The following PEX5L variants were observed in gnomAD, a reference collection of about 807,000 sequenced individuals.
The protein encoded by PEX5L is PEX5-related protein.
Under a neutral mutation model 84.0 loss-of-function variants are expected in PEX5L, and 30 were observed. That is an observed-to-expected ratio of 0.36 (90% CI 0.27 to 0.48). PEX5L has a LOEUF of 0.48. Ranked by LOEUF, PEX5L falls within the 20% of genes least tolerant of loss-of-function variation. The pLI is 0.99. For synonymous variants in PEX5L, 270 were observed against 283.1 expected, an observed-to-expected ratio of 0.95 and a Z score of 0.46; for missense variants, 533 against 754.6, an observed-to-expected ratio of 0.71 and a Z score of 3.44.
chr3:179,900,796 T>C, intron 2 of PEX5L: 7 of 1,170,952 alleles, frequency 6.0e-6, no homozygotes, highest in East Asian at 2.6e-5. Context: ...CTTTACAGCC[T>C]TTTTTGGCTT....
chr3:179,964,445 A>T (rs1311037385), intron 2 of PEX5L, among the ~76,000 whole-genome samples: 1 of 152,202 alleles, frequency 6.6e-6, no homozygotes, highest in Non-Finnish European at 1.5e-5. Context: ...AAAGTTGACA[A>T]ATGGGACCTA....
intron 2 of PEX5L, among the ~76,000 whole-genome samples, chr3:179,915,794 T>C (rs745835240): frequency 5.9e-5 from 9 of 152,174 alleles, no homozygotes; most frequent in Admixed American, 2.0e-4. Flanking sequence ...AATATAACAA[T>C]TTCTGCTTCT....
At chr3:179,952,405 C>T (rs1375063165) in intron 2 of PEX5L, among the ~76,000 whole-genome samples, 2 of 151,874 alleles carry the variant, frequency 1.3e-5, no homozygotes, top group African/African-American at 2.4e-5. Context: ...AAGAAAAGGT[C>T]GGGGGGTGTG....
At chr3:179,900,684 G>A (rs182411005) in intron 2 of PEX5L, 99 of 1,535,292 alleles carry the variant, frequency 6.4e-5, no homozygotes, top group African/African-American at 8.2e-5. Flanking sequence ...GCCAGGGTCA[G>A]GTCACTTTTT....
At chr3:179,987,278 TCCTC>T (rs1786943593) in intron 1 of PEX5L, among the ~76,000 whole-genome samples, 1 of 147,744 alleles carries the variant, frequency 6.8e-6, no homozygotes, top group South Asian at 2.2e-4. Context: ...CTTCCTTCCT[TCCTC>T]CTTCATTCCT....
intron 2 of PEX5L, among the ~76,000 whole-genome samples, chr3:179,904,957 C>T (rs535505357): frequency 6.6e-6 from 1 of 152,154 alleles, no homozygotes; most frequent in South Asian, 2.1e-4. Context: ...CCCTAATAGC[C>T]CCTTTGGCTA....
chr3:179,837,148 A>G (rs1411137666), intron 8 of PEX5L, among the ~76,000 whole-genome samples: 1 of 152,166 alleles, frequency 6.6e-6, no homozygotes, highest in East Asian at 1.9e-4. Flanking sequence ...ATATCTGGCT[A>G]TAAATTTTCA....
chr3:179,847,059 ATG>A (rs749528776), intron 8 of PEX5L, among the ~76,000 whole-genome samples: 85 of 111,830 alleles, frequency 7.6e-4, no homozygotes, highest in Non-Finnish European at 9.1e-4. Flanking sequence ...CCCTTTCTCC[ATG>A]TGTGTGTGTG....
chr3:180,023,284 C>T (rs1790581381), intron 1 of PEX5L, among the ~76,000 whole-genome samples: 1 of 152,162 alleles, frequency 6.6e-6, no homozygotes. Context: ...CTTTTACGAA[C>T]ATCTCACTGT....
chr3:179,907,651 TAAA>T (rs1763729039), intron 2 of PEX5L, among the ~76,000 whole-genome samples: 1 of 152,184 alleles, frequency 6.6e-6, no homozygotes, highest in African/African-American at 2.4e-5. Flanking sequence ...AACTGTATGT[TAAA>T]TATTGTTACT....
At chr3:179,982,291 T>TA (rs1391974165) in intron 1 of PEX5L, among the ~76,000 whole-genome samples, 1 of 152,198 alleles carries the variant, frequency 6.6e-6, no homozygotes, top group Admixed American at 6.5e-5. Context: ...AATAACGTGT[T>TA]ACATGCAAAA....
Position 179,796,666 on chromosome 3 carries a change from C to A in PEX5L, c.*5162G>T, listed in dbSNP as rs1175667218. ...AACAAAGCTGTTACTAATGTAAGAC[C>A]ACATGGTCTCACTGAGCTTTGCTCT... is the stretch of plus-strand genomic sequence containing the variant. On this transcript the variant is annotated 3_prime_UTR_variant, in exon 15 of 15. Coordinates refer to ENST00000467460, the MANE Select transcript of PEX5L (RefSeq NM_016559.3). 6.6e-6 allele frequency: 1 copy of A among 152,064 alleles called. No homozygotes were observed. Among genetic ancestry groups the A allele is most frequent in the Non-Finnish European group, 1.5e-5 (1 of 68,012 alleles). The allele number at this position is 152,064 out of a possible 1,614,324, so 9.4% of individuals were successfully genotyped here. A position where few individuals can be genotyped will look rare whatever the true frequency, so the allele number is the denominator to read the frequency against.
chr3:180,031,569 A>G (rs1791469267), intron 1 of PEX5L, among the ~76,000 whole-genome samples: 2 of 152,200 alleles, frequency 1.3e-5, no homozygotes, highest in Admixed American at 6.5e-5. Context: ...AAACATTCAG[A>G]TTGGATTTAG....
At chr3:179,808,835 T>C (rs1722443793) in intron 12 of PEX5L, among the ~76,000 whole-genome samples, 2 of 151,704 alleles carry the variant, frequency 1.3e-5, no homozygotes, top group Admixed American at 1.3e-4. Flanking sequence ...CCCAGCACTT[T>C]GGGAGGCCGA....
intron 8 of PEX5L, 134 bp from the exon 9 acceptor site, chr3:179,820,110 G>T: frequency 7.9e-7 from 1 of 1,270,238 alleles, no homozygotes; most frequent in Non-Finnish European, 1.1e-6. Flanking sequence ...ACTGATAGGC[G>T]TGGCTGAAGA....
At chr3:179,817,057 T>C (rs1354293053) in intron 9 of PEX5L, among the ~76,000 whole-genome samples, 2 of 152,214 alleles carry the variant, frequency 1.3e-5, no homozygotes, top group Non-Finnish European at 2.9e-5. Flanking sequence ...GAATCCCACA[T>C]ACTGTATATC....
At chr3:179,841,337 T>A (rs1737211923) in intron 8 of PEX5L, among the ~76,000 whole-genome samples, 1 of 152,108 alleles carries the variant, frequency 6.6e-6, no homozygotes, top group Admixed American at 6.5e-5. Flanking sequence ...CCACTTCCAC[T>A]CCCTGTTCCA....
intron 7 of PEX5L, among the ~76,000 whole-genome samples, chr3:179,873,117 CTG>C (rs1441700979): frequency 6.6e-6 from 1 of 152,138 alleles, no homozygotes; most frequent in Non-Finnish European, 1.5e-5. Context: ...TCTTCTCTGT[CTG>C]TGTCCTACCT....
In PEX5L at chr3:179,839,829, A is replaced by C. The variant is rs144587140; in HGVS notation, c.822+19233T>G. ...TCACATAGTTATTAGCACTGCAAAT[A>C]AATAATTGTTAGAATAATTATGGAA... is the stretch of plus-strand genomic sequence containing the variant. On this transcript the variant is annotated intron_variant, in intron 8 of 14. Coordinates refer to ENST00000467460, the MANE Select transcript of PEX5L (RefSeq NM_016559.3). Among the ~76,000 whole-genome samples the C allele has an allele frequency of 3.3e-5, 5 of 152,358 alleles. No homozygotes were observed. The East Asian group carries it at 7.7e-4, about 23-fold the overall frequency.
Sources: allele counts gnomAD v4.1 joint callset (sites outside exome capture counted in the v4.1 genomes callset), GRCh38; gene constraint gnomAD v4.1.1; transcripts MANE v1.5; gene names NCBI Gene and HGNC (gene_info 2026-07-23, HGNC 2026-07-21).